The following ZNF469 variants were observed in gnomAD, a reference collection of about 807,000 sequenced individuals.
The protein encoded by ZNF469 is zinc finger protein 469.
Under a neutral mutation model 1.0 loss-of-function variants are expected in ZNF469, and 1 was observed. The ratio of observed to expected loss-of-function variants is 1.00; its 90% CI spans 0.35 to 4.73. The LOEUF is 4.73. ZNF469 is among the 30% of genes most tolerant of loss of function. ZNF469 has a pLI of 0.16. For synonymous variants in ZNF469, 2,703 were observed against 2,363.4 expected, an observed-to-expected ratio of 1.14 and a Z score of -4.17; for missense variants, 6,100 against 5,356.3, an observed-to-expected ratio of 1.14 and a Z score of -4.33.
the ZNF469 span, among the ~76,000 whole-genome samples, chr16:88,377,553 C>T: frequency 4.6e-5 from 7 of 152,326 alleles, no homozygotes; most frequent in East Asian, 1.9e-4. Context: ...CTGAGTCACG[C>T]GCCACCATCC....
the ZNF469 span, among the ~76,000 whole-genome samples, chr16:88,117,259 C>T: frequency 4.6e-5 from 7 of 151,066 alleles, no homozygotes; most frequent in East Asian, 3.9e-4. Flanking sequence ...GAGCCGGGGA[C>T]GTGTGAGAGC....
chr16:88,172,899 T>C, the ZNF469 span, among the ~76,000 whole-genome samples: 16,786 of 152,172 alleles, frequency 0.11, 1,219 homozygotes, highest in African/African-American at 0.18. Context: ...GCTATAGCTA[T>C]AGAAACTGTT....
At chr16:88,394,153 C>CTGG (rs1491405965) in intron 1 of ZNF469, among the ~76,000 whole-genome samples, 18,519 of 147,902 alleles carry the variant, frequency 0.13, 5,533 homozygotes, top group Non-Finnish European at 0.16. Flanking sequence ...CTGCGCTGTC[C>CTGG]GAGAGGGATG....
intron 1 of ZNF469, among the ~76,000 whole-genome samples, chr16:88,417,580 G>C (rs535163279): frequency 2.6e-5 from 4 of 152,184 alleles, no homozygotes; most frequent in African/African-American, 7.2e-5. Context: ...GCCCCCAAAC[G>C]TTTCTCGCTC....
At chr16:88,220,452 G>A in the ZNF469 span, among the ~76,000 whole-genome samples, 30 of 152,188 alleles carry the variant, frequency 2.0e-4, no homozygotes, top group African/African-American at 3.1e-4. Context: ...TTTCTTGCCC[G>A]GATGAAGTGT....
chr16:88,404,184 C>A (rs1157880128), intron 1 of ZNF469, among the ~76,000 whole-genome samples: 1 of 152,242 alleles, frequency 6.6e-6, no homozygotes, highest in Non-Finnish European at 1.5e-5. Context: ...GCCCCACACC[C>A]CCGGCACCTG....
At chr16:88,334,817 G>T in the ZNF469 span, among the ~76,000 whole-genome samples, 1 of 151,952 alleles carries the variant, frequency 6.6e-6, no homozygotes, top group Admixed American at 6.6e-5. Context: ...TGAGGGAGCC[G>T]TGTGGGAAGA....
chr16:88,110,650 G>A, the ZNF469 span, among the ~76,000 whole-genome samples: 5 of 152,228 alleles, frequency 3.3e-5, no homozygotes, highest in African/African-American at 1.2e-4. Context: ...CTGCGGGTGA[G>A]AATCATAACG....
At chr16:88,232,820 C>G in the ZNF469 span, among the ~76,000 whole-genome samples, 1 of 152,244 alleles carries the variant, frequency 6.6e-6, no homozygotes, top group Admixed American at 6.5e-5. Flanking sequence ...CAGAGCCCAG[C>G]AACTATTTGA....
chr16:88,307,606 G>GTC, the ZNF469 span, among the ~76,000 whole-genome samples: 5 of 152,182 alleles, frequency 3.3e-5, no homozygotes, highest in African/African-American at 7.2e-5. Context: ...TGATATCAGT[G>GTC]TCTTTTCATG....
chr16:88,201,278 G>C, the ZNF469 span, among the ~76,000 whole-genome samples: 1 of 152,206 alleles, frequency 6.6e-6, no homozygotes, highest in African/African-American at 2.4e-5. The surrounding 1 kb of genome is among the most constrained non-coding windows in gnomAD (Gnocchi z 5.0). Context: ...GGTTGGCCGG[G>C]TGCAGTGGCT....
At chr16:88,282,171 C>G in the ZNF469 span, among the ~76,000 whole-genome samples, 1 of 152,160 alleles carries the variant, frequency 6.6e-6, no homozygotes. Context: ...GCCAGAAACA[C>G]CTTTGGGCAG....
chr16:88,116,410 A>G, the ZNF469 span, among the ~76,000 whole-genome samples: 1 of 152,226 alleles, frequency 6.6e-6, no homozygotes, highest in Admixed American at 6.5e-5. Flanking sequence ...GCTGGCAGGA[A>G]TGCAAATGGC....
the ZNF469 span, among the ~76,000 whole-genome samples, chr16:88,163,419 G>A: frequency 1.1e-4 from 16 of 151,894 alleles, no homozygotes; most frequent in African/African-American, 3.6e-4. Flanking sequence ...TGGGTAGATA[G>A]GTGGGCAGTT....
At chr16:88,419,697 C>T (rs1905401384) in intron 1 of ZNF469, among the ~76,000 whole-genome samples, 1 of 152,210 alleles carries the variant, frequency 6.6e-6, no homozygotes, top group Admixed American at 6.5e-5. Context: ...CCTCAACGTT[C>T]CTCCAACAGC....
the ZNF469 span, among the ~76,000 whole-genome samples, chr16:88,128,916 T>C: frequency 1.3e-5 from 2 of 152,204 alleles, no homozygotes; most frequent in Non-Finnish European, 2.9e-5. Flanking sequence ...CTGAGAAAGC[T>C]CCTGGCTCAC....
At chr16:88,120,410 G>A in the ZNF469 span, among the ~76,000 whole-genome samples, 1 of 152,248 alleles carries the variant, frequency 6.6e-6, no homozygotes. Flanking sequence ...TCATCGGGCC[G>A]GCGGGACGCA....
the ZNF469 span, among the ~76,000 whole-genome samples, chr16:88,158,086 G>A: frequency 2.6e-5 from 4 of 152,028 alleles, no homozygotes; most frequent in African/African-American, 7.2e-5. Flanking sequence ...ACCCCCAGGG[G>A]ATGCCTTATT....
At chr16:88,273,270 G>A in the ZNF469 span, among the ~76,000 whole-genome samples, 1 of 151,780 alleles carries the variant, frequency 6.6e-6, no homozygotes, top group East Asian at 1.9e-4. Context: ...ATGACCTTCA[G>A]AGGAAAACAG....
Sources: allele counts gnomAD v4.1 joint callset (sites outside exome capture counted in the v4.1 genomes callset), GRCh38; gene constraint gnomAD v4.1.1; non-coding constraint Gnocchi (gnomAD v3.1); transcripts MANE v1.5; gene names NCBI Gene and HGNC (gene_info 2026-07-23, HGNC 2026-07-21).